Variants in HCN1 observed in about 807,000 individuals in gnomAD.
The protein encoded by HCN1 is hyperpolarization activated cyclic nucleotide gated potassium channel 1.
A neutral mutation model predicts 78.9 loss-of-function variants in HCN1; 13 were observed. The ratio of observed to expected loss-of-function variants is 0.16; its 90% CI spans 0.11 to 0.26. HCN1 has a LOEUF of 0.26. Among genes scored for constraint, HCN1 ranks in the 10% least tolerant of loss-of-function variants. The probability of loss-of-function intolerance (pLI) is 1.00; values close to 1 mark genes in which losing one functional copy is unlikely to be tolerated. For synonymous variants in HCN1, 552 were observed against 455.5 expected (o/e 1.21, Z -2.70); for missense variants, 810 against 1,154.3 (o/e 0.70, Z 4.32).
intron 2 of HCN1, among the ~76,000 whole-genome samples, chr5:45,566,064 T>A (rs535357734): frequency 6.6e-6 from 1 of 152,302 alleles, no homozygotes; most frequent in Admixed American, 6.5e-5. Flanking sequence ...AGTAGTTCTA[T>A]CACAGGTCAA....
intron 6 of HCN1, among the ~76,000 whole-genome samples, chr5:45,282,893 A>G (rs1745195678): frequency 6.6e-6 from 1 of 152,188 alleles, no homozygotes; most frequent in Non-Finnish European, 1.5e-5. Context: ...TAAATAAAAT[A>G]TTAGTTGAGT....
At chr5:45,372,637 T>G (rs1184058089) in intron 4 of HCN1, among the ~76,000 whole-genome samples, 1 of 129,946 alleles carries the variant, frequency 7.7e-6, no homozygotes, top group Non-Finnish European at 1.6e-5. Flanking sequence ...ATAAAACATT[T>G]TATATAAAAA....
At chr5:45,680,346 A>G (rs1739679678) in intron 1 of HCN1, among the ~76,000 whole-genome samples, 1 of 152,154 alleles carries the variant, frequency 6.6e-6, no homozygotes, top group Non-Finnish European at 1.5e-5. Flanking sequence ...TTTATACTAA[A>G]AAAGTATTGA....
chr5:45,467,566 A>G (rs548308254), intron 2 of HCN1, among the ~76,000 whole-genome samples: 1 of 152,210 alleles, frequency 6.6e-6, no homozygotes, highest in East Asian at 1.9e-4. Context: ...AGATTACTGG[A>G]GAGCAAACTG....
intron 2 of HCN1, among the ~76,000 whole-genome samples, chr5:45,502,351 G>A (rs1267984392): frequency 6.6e-6 from 1 of 151,554 alleles, no homozygotes; most frequent in East Asian, 1.9e-4. Context: ...CCGTGGTGGT[G>A]CACACCTGTA....
intron 2 of HCN1, among the ~76,000 whole-genome samples, chr5:45,545,808 C>G (rs891055136): frequency 1.3e-5 from 2 of 151,720 alleles, no homozygotes; most frequent in African/African-American, 4.8e-5. Flanking sequence ...ACTATCACCT[C>G]CTTCTTGAGA....
At chr5:45,422,958 C>T (rs761165069) in intron 3 of HCN1, among the ~76,000 whole-genome samples, 37 of 152,044 alleles carry the variant, frequency 2.4e-4, no homozygotes, top group South Asian at 4.2e-4. Context: ...CGAATAAGAT[C>T]TTGTATTTGC....
At chr5:45,284,036 C>T (rs1745221869) in intron 6 of HCN1, among the ~76,000 whole-genome samples, 2 of 152,112 alleles carry the variant, frequency 1.3e-5, no homozygotes, top group South Asian at 2.1e-4. Context: ...CAAACTAATG[C>T]AGGAACTGAA....
At chr5:45,310,720 T>C (rs1745832075) in intron 5 of HCN1, among the ~76,000 whole-genome samples, 2 of 152,168 alleles carry the variant, frequency 1.3e-5, no homozygotes, top group African/African-American at 2.4e-5. Flanking sequence ...ATGCATATGT[T>C]CATTGCAGCA....
At chr5:45,272,816 T>C (rs1453938202) in intron 6 of HCN1, among the ~76,000 whole-genome samples, 1 of 152,044 alleles carries the variant, frequency 6.6e-6, no homozygotes, top group Non-Finnish European at 1.5e-5. Context: ...CTTATAGATA[T>C]GCATGTTGAT....
chr5:45,483,592 C>T (rs1579922632), intron 2 of HCN1, among the ~76,000 whole-genome samples: 1 of 152,026 alleles, frequency 6.6e-6, no homozygotes, highest in Non-Finnish European at 1.5e-5. Flanking sequence ...TTGTTGACGG[C>T]TTCTTTTGTT....
chr5:45,492,967 T>C (rs987202086), intron 2 of HCN1, among the ~76,000 whole-genome samples: 3 of 152,140 alleles, frequency 2.0e-5, no homozygotes, highest in Non-Finnish European at 2.9e-5. Flanking sequence ...ATATAACTTT[T>C]AGTCCAGGAT....
chr5:45,480,161 T>C (rs934865680), intron 2 of HCN1: 1 of 152,708 alleles, frequency 6.5e-6, no homozygotes, highest in East Asian at 1.9e-4. Context: ...TTTTTTTTAG[T>C]GAAAGTCCAC....
chr5:45,519,981 G>T (rs947078332), intron 2 of HCN1, among the ~76,000 whole-genome samples: 3 of 151,934 alleles, frequency 2.0e-5, no homozygotes, highest in East Asian at 3.9e-4. Flanking sequence ...GTACCTGTAA[G>T]ACTTGAATTC....
At chr5:45,484,309 C>T (rs1741715902) in intron 2 of HCN1, among the ~76,000 whole-genome samples, 1 of 152,046 alleles carries the variant, frequency 6.6e-6, no homozygotes, top group Non-Finnish European at 1.5e-5. Context: ...GTGATAGGTG[C>T]CTGTAGTCCC....
chr5:45,345,574 C>G (rs1259424364), intron 5 of HCN1, among the ~76,000 whole-genome samples: 1 of 152,190 alleles, frequency 6.6e-6, no homozygotes, highest in Admixed American at 6.5e-5. Flanking sequence ...CCACAAAGAT[C>G]TCTATGGCAG....
intron 4 of HCN1, among the ~76,000 whole-genome samples, chr5:45,373,113 G>A (rs1747461891): frequency 8.1e-6 from 1 of 124,140 alleles, no homozygotes; most frequent in African/African-American, 3.0e-5. Context: ...AATACATATA[G>A]TATATCATAT....
intron 2 of HCN1, among the ~76,000 whole-genome samples, chr5:45,616,884 A>G (rs962361761): frequency 7.2e-5 from 11 of 152,144 alleles, no homozygotes; most frequent in African/African-American, 2.4e-4. Flanking sequence ...TCAAAAACCT[A>G]GAAATGTTGC....
chr5:45,416,856 TC>T, intron 3 of HCN1, among the ~76,000 whole-genome samples: 1 of 151,996 alleles, frequency 6.6e-6, no homozygotes, highest in East Asian at 1.9e-4. Flanking sequence ...GAATCTTGTC[TC>T]CCCTCTCCCC....
Sources: gnomAD v4.1 joint callset for allele counts (sites outside exome capture counted in the v4.1 genomes callset) on GRCh38, gnomAD v4.1.1 for gene constraint, MANE v1.5 for transcripts, NCBI Gene and HGNC (gene_info 2026-07-23, HGNC 2026-07-21) for gene names.